The following RAP2A variants were observed in gnomAD, a reference collection of about 807,000 sequenced individuals.
RAP2A encodes ras-related protein Rap-2a.
In RAP2A, 5 loss-of-function variants were observed where a neutral mutation model predicts 15.1. The observed-to-expected ratio is 0.33, with a 90% CI of 0.17 to 0.70. The LOEUF is 0.70. RAP2A is among the 30% of genes least tolerant of loss of function. The probability of loss-of-function intolerance (pLI) is 0.68; values close to 1 mark genes in which losing one functional copy is unlikely to be tolerated. For synonymous variants in RAP2A, 110 were observed against 99.7 expected (o/e 1.10, Z -0.62); for missense variants, 111 against 240.3 (o/e 0.46, Z 3.56).
At chr13:97,435,186 T>A (rs1386224917) in intron 1 of RAP2A, among the ~76,000 whole-genome samples, 1 of 152,080 alleles carries the variant, frequency 6.6e-6, no homozygotes, top group Non-Finnish European at 1.5e-5. Context: ...ACAGTAAAAA[T>A]CGCTCACACA....
Position 97,434,338 on chromosome 13 carries a change from C to T in RAP2A, c.-133C>T. 1 of 705,268 alleles carries T rather than the reference C, an allele frequency of 1.4e-6. No individual in the cohort carries two copies. Among genetic ancestry groups the T allele is most frequent in the Non-Finnish European group, 1.7e-6 (1 of 578,450 alleles). The allele number at this position is 705,268 out of a possible 1,614,324, so 43.7% of individuals were successfully genotyped here. ...CCGCCGCCGCCGGCGCCCAGGGGGC[C>T]GCCGCGGCTGTGAGGTGGGGGCGGC... On this transcript the variant is annotated 5_prime_UTR_variant, in exon 1 of 2. Coordinates refer to ENST00000245304, the MANE Select transcript of RAP2A (RefSeq NM_021033.7).
intron 1 of RAP2A, among the ~76,000 whole-genome samples, chr13:97,436,355 A>G (rs987864091): frequency 6.6e-6 from 1 of 152,210 alleles, no homozygotes; most frequent in Non-Finnish European, 1.5e-5. Context: ...TCAATTAAAA[A>G]GAAACAAACC....
intron 1 of RAP2A, among the ~76,000 whole-genome samples, chr13:97,439,406 C>T (rs573293354): frequency 6.6e-6 from 1 of 151,592 alleles, no homozygotes; most frequent in East Asian, 1.9e-4. Context: ...TCTGTAGTAA[C>T]AGGAGAGAAA....
chr13:97,464,414 C>T lies in RAP2A; in HGVS notation c.524C>T (p.Pro175Leu). The change falls in exon 2 of 2, where the codon CCA becomes CTA. Residue 175 changes from proline (P) to leucine (L), a missense_variant. Transcript: ENST00000245304. ...NYAAQPDKDD[P>L]CCSACNIQ is the part of the protein sequence containing the mutation. ...GCTGCTCAGCCTGACAAAGATGACCCATGCTGTTCTGCATGTAACATACAA... is the reference window on the plus strand; with the variant it reads ...GCTGCTCAGCCTGACAAAGATGACCTATGCTGTTCTGCATGTAACATACAA... The T allele has an allele frequency of 6.2e-7, 1 of 1,614,152 alleles. No homozygotes were observed.
chr13:97,459,446 C>G (rs539270637), intron 1 of RAP2A, among the ~76,000 whole-genome samples: 3 of 152,278 alleles, frequency 2.0e-5, no homozygotes, highest in African/African-American at 7.2e-5. Context: ...GATTTGTTTT[C>G]TGAGGCCACT....
At chr13:97,443,919 A>G (rs1482733825) in intron 1 of RAP2A, among the ~76,000 whole-genome samples, 2 of 152,190 alleles carry the variant, frequency 1.3e-5, no homozygotes, top group Non-Finnish European at 2.9e-5. Context: ...TGATGTAGTA[A>G]CTCGTGAGAT....
intron 1 of RAP2A, among the ~76,000 whole-genome samples, chr13:97,451,867 T>C (rs2066703578): frequency 6.6e-6 from 1 of 151,494 alleles, no homozygotes; most frequent in Non-Finnish European, 1.5e-5. Flanking sequence ...ATTTTTATCT[T>C]TGTTTTCTTG....
At chr13:97,457,029 A>C (rs1206338043) in intron 1 of RAP2A, among the ~76,000 whole-genome samples, 1 of 152,114 alleles carries the variant, frequency 6.6e-6, no homozygotes. Context: ...CACTTTATCA[A>C]AACTCCCATA....
intron 1 of RAP2A, among the ~76,000 whole-genome samples, chr13:97,438,107 G>C (rs2066641891): frequency 6.6e-6 from 1 of 152,162 alleles, no homozygotes; most frequent in Non-Finnish European, 1.5e-5. Flanking sequence ...CAGGGATATA[G>C]GAAATGTTTT....
intron 1 of RAP2A, among the ~76,000 whole-genome samples, chr13:97,461,054 T>C (rs2066744386): frequency 6.6e-6 from 1 of 152,162 alleles, no homozygotes; most frequent in South Asian, 2.1e-4. Flanking sequence ...TCCTTTTATC[T>C]AGTACTTCAT....
At chr13:97,448,832 G>C (rs1297904377) in intron 1 of RAP2A, among the ~76,000 whole-genome samples, 1 of 152,200 alleles carries the variant, frequency 6.6e-6, no homozygotes, top group Admixed American at 6.5e-5. Context: ...GTAGGACACT[G>C]TAAGGATTCT....
chr13:97,443,903 T>A (rs2066668403), intron 1 of RAP2A, among the ~76,000 whole-genome samples: 1 of 152,218 alleles, frequency 6.6e-6, no homozygotes, highest in Admixed American at 6.5e-5. Context: ...ATTTGTAATA[T>A]GAGTATGATG....
At chr13:97,450,039 A>G (rs2066695887) in intron 1 of RAP2A, among the ~76,000 whole-genome samples, 1 of 151,978 alleles carries the variant, frequency 6.6e-6, no homozygotes, top group Non-Finnish European at 1.5e-5. Context: ...CTAAGATCTT[A>G]CTACAACAAT....
rs748539827 is a variant in RAP2A at position 97,437,923 on chromosome 13, T to C, written c.314+3139T>C. On this transcript the variant is annotated intron_variant, in intron 1 of 1. Transcript: ENST00000245304. ...CTTGAAATGTTTCACTTTTAAGAAA[T>C]GTGAAACTGACCCATACTCCCTTAA... 1.1e-4 allele frequency among the ~76,000 whole-genome samples: 16 copies of C among 152,312 alleles called. 1 individual carries two copies. In the South Asian group the frequency reaches 2.7e-3, roughly 26 times the overall value.
chr13:97,440,478 A>G (rs1348508838), intron 1 of RAP2A, among the ~76,000 whole-genome samples: 1 of 152,212 alleles, frequency 6.6e-6, no homozygotes, highest in African/African-American at 2.4e-5. Context: ...AAGACTGACA[A>G]TATGAAACAA....
At chr13:97,439,080 TG>T (rs1349758253) in intron 1 of RAP2A, among the ~76,000 whole-genome samples, 2 of 152,090 alleles carry the variant, frequency 1.3e-5, no homozygotes, top group Non-Finnish European at 2.9e-5. Context: ...ATGGAGGAAA[TG>T]GCACAGGAAA....
intron 1 of RAP2A, among the ~76,000 whole-genome samples, chr13:97,453,689 T>G (rs886886663): frequency 6.6e-6 from 1 of 151,272 alleles, no homozygotes; most frequent in Non-Finnish European, 1.5e-5. Flanking sequence ...GGTTTTTATG[T>G]GATCATAAGT....
rs1275369322 is a variant in RAP2A at position 97,457,774 on chromosome 13, C to G, written c.315-6431C>G. On this transcript the variant is annotated intron_variant, in intron 1 of 1. Coordinates refer to ENST00000245304, the MANE Select transcript of RAP2A (RefSeq NM_021033.7). ...TCAAAATAGTTATAGTGATCATTCT[C>G]ACAGAGCCAAGATTAAGAATTAAAA... Among the ~76,000 whole-genome samples the G allele has an allele frequency of 2.0e-5, 3 of 152,108 alleles. No homozygotes were observed. The East Asian group carries it at 5.8e-4, about 29-fold the overall frequency.
intron 1 of RAP2A, among the ~76,000 whole-genome samples, chr13:97,458,133 GTAA>G (rs954566251): frequency 9.2e-5 from 14 of 152,248 alleles, no homozygotes; most frequent in African/African-American, 3.1e-4. Context: ...TATCATGGAA[GTAA>G]TTGAAGCATC....
Sources: gnomAD v4.1 joint callset for allele counts (sites outside exome capture counted in the v4.1 genomes callset) on GRCh38, gnomAD v4.1.1 for gene constraint, MANE v1.5 for transcripts, NCBI Gene and HGNC (gene_info 2026-07-23, HGNC 2026-07-21) for gene names.